Variants in SPATA13 observed in about 807,000 individuals in gnomAD.
The protein encoded by SPATA13 is spermatogenesis associated 13, also known as spermatogenesis-associated protein 13.
Under a neutral mutation model 104.0 loss-of-function variants are expected in SPATA13, and 50 were observed. The observed-to-expected ratio is 0.48, with a 90% confidence interval of 0.38 to 0.61. The LOEUF (loss-of-function observed/expected upper bound fraction) is 0.61. SPATA13 is among the 20% of genes least tolerant of loss of function. The pLI is 0.00. For missense variants in SPATA13, 1,524 were observed against 1,690.6 expected (o/e 0.90, Z 1.73); for synonymous variants, 606 against 667.5 (o/e 0.91, Z 1.42).
At chr13:24,004,423 A>G (rs568190014) in intron 2 of SPATA13, among the ~76,000 whole-genome samples, 55 of 152,122 alleles carry the variant, frequency 3.6e-4, no homozygotes, top group Non-Finnish European at 7.1e-4. Flanking sequence ...ACCACAGTAT[A>G]TTTGTTTATT....
intron 2 of SPATA13, among the ~76,000 whole-genome samples, chr13:24,228,273 C>G (rs1012429489): frequency 1.4e-4 from 21 of 151,998 alleles, no homozygotes; most frequent in African/African-American, 4.6e-4. Flanking sequence ...GCCACCATGC[C>G]CGGCTCATGT....
intron 3 of SPATA13, among the ~76,000 whole-genome samples, chr13:24,066,917 A>G (rs1353810553): frequency 9.2e-5 from 14 of 152,216 alleles, no homozygotes; most frequent in African/African-American, 3.4e-4. Context: ...GGCAAACCAA[A>G]CCAAGCAGAG....
chr13:24,238,132 C>CT (rs66810619), intron 2 of SPATA13, among the ~76,000 whole-genome samples: 47,179 of 77,224 alleles, frequency 0.61, 15,296 homozygotes, highest in South Asian at 0.69. Context: ...TTCTTCTTGA[C>CT]TTTTTTTTTT....
chr13:24,075,281 C>T (rs1879289790), intron 3 of SPATA13, among the ~76,000 whole-genome samples: 1 of 152,206 alleles, frequency 6.6e-6, no homozygotes. Context: ...TATGAAAGCA[C>T]AGACCTCATG....
chr13:24,015,582 C>A (rs1487232027), intron 2 of SPATA13, among the ~76,000 whole-genome samples: 1 of 152,210 alleles, frequency 6.6e-6, no homozygotes, highest in Non-Finnish European at 1.5e-5. Context: ...GGCCACCTGG[C>A]CCCTCTGCTT....
rs951467037 is a variant in SPATA13, at chr13:24,304,820, T to C, written c.*2047T>C. 3 of 152,272 alleles carry C rather than the reference T, an allele frequency of 2.0e-5. No homozygotes were observed. The highest frequency in any genetic ancestry group is 4.4e-5 in the Non-Finnish European group (3 of 68,062). 9.4% of individuals were successfully genotyped at this position (152,272 alleles called of 1,614,324 possible). A position where few individuals can be genotyped will look rare whatever the true frequency, so the allele number is the denominator to read the frequency against. On this transcript the variant is annotated 3_prime_UTR_variant, in exon 13 of 13. Transcript: ENST00000382108. ...AGAAGTTGCTGCAGGAAGGAGCTTC[T>C]GGAGAGGTCCTGTGGCATGTGTGGG...
At chr13:24,245,954 C>T (rs193278207) in intron 2 of SPATA13, among the ~76,000 whole-genome samples, 97 of 152,114 alleles carry the variant, frequency 6.4e-4, no homozygotes, top group African/African-American at 2.1e-3. Flanking sequence ...AGAATGATCC[C>T]GAGTCCTGCC....
intron 1 of SPATA13, among the ~76,000 whole-genome samples, chr13:24,196,420 T>A: frequency 6.6e-6 from 1 of 152,168 alleles, no homozygotes; most frequent in Non-Finnish European, 1.5e-5. Context: ...TAACATTCAA[T>A]AAAAATACCT....
intron 3 of SPATA13, among the ~76,000 whole-genome samples, chr13:24,096,903 A>G (rs899963160): frequency 6.6e-6 from 1 of 152,164 alleles, no homozygotes; most frequent in African/African-American, 2.4e-5. Context: ...GTGTAAGGAG[A>G]TGCTGCTGAG....
intron 3 of SPATA13, among the ~76,000 whole-genome samples, chr13:24,049,241 C>T (rs1173717743): frequency 6.6e-6 from 1 of 152,194 alleles, no homozygotes; most frequent in Non-Finnish European, 1.5e-5. Context: ...ACTGATGCCT[C>T]GCCTACAGGA....
chr13:24,069,254 G>A (rs1454563633), intron 3 of SPATA13, among the ~76,000 whole-genome samples: 1 of 152,168 alleles, frequency 6.6e-6, no homozygotes, highest in African/African-American at 2.4e-5. Context: ...CCATCCATGA[G>A]CATGGAATGT....
chr13:24,012,244 AC>A (rs1198601914), intron 2 of SPATA13, among the ~76,000 whole-genome samples: 1 of 152,234 alleles, frequency 6.6e-6, no homozygotes, highest in Non-Finnish European at 1.5e-5. Context: ...GGGTCTAGGG[AC>A]TCCTCCAGAA....
At chr13:24,027,319 G>C (rs1249532118) in intron 3 of SPATA13, among the ~76,000 whole-genome samples, 1 of 151,732 alleles carries the variant, frequency 6.6e-6, no homozygotes, top group Non-Finnish European at 1.5e-5. Flanking sequence ...ATTTTTAGTA[G>C]AGACGGCGTT....
At chr13:24,299,751 C>A (rs1418813119) in intron 11 of SPATA13, among the ~76,000 whole-genome samples, 1 of 152,208 alleles carries the variant, frequency 6.6e-6, no homozygotes, top group African/African-American at 2.4e-5. Context: ...GCCCCAGCAC[C>A]CAGCCCTGGC....
intron 3 of SPATA13, among the ~76,000 whole-genome samples, chr13:24,071,208 G>A (rs186723681): frequency 1.4e-4 from 21 of 152,306 alleles, no homozygotes; most frequent in Admixed American, 3.3e-4. Context: ...CTGCATCTCA[G>A]TGGAGTCACC....
chr13:24,216,147 A>G (rs1200676279), intron 1 of SPATA13, among the ~76,000 whole-genome samples: 1 of 152,096 alleles, frequency 6.6e-6, no homozygotes, highest in African/African-American at 2.4e-5. Flanking sequence ...GAGGTTGGGG[A>G]CGCAGGCAGG....
At position 24,160,852 on chromosome 13, in the gene SPATA13, C is replaced by G. The variant is rs1251062113; in HGVS notation, c.-192C>G. The G allele has an allele frequency of 2.0e-6, 2 of 984,784 alleles. No individual in the cohort carries two copies. Among genetic ancestry groups the G allele is most frequent in the Non-Finnish European group, 2.4e-6 (2 of 829,486 alleles). The allele number at this position is 984,784 out of a possible 1,614,324, so 61.0% of individuals were successfully genotyped here. On this transcript the variant is annotated 5_prime_UTR_variant, in exon 1 of 13. Transcript: ENST00000382108. The stretch of plus-strand genomic sequence containing the variant: ...AGAGTGCGGCGACCTCGGGGCTCCG[C>G]CGGCACCGGAGGTGGCTCTGAGGGC...
chr13:24,278,270 C>G (rs186213537), intron 4 of SPATA13, among the ~76,000 whole-genome samples: 128 of 152,334 alleles, frequency 8.4e-4, no homozygotes, highest in African/African-American at 2.8e-3. Context: ...CTGCTGCACA[C>G]AGCTGTGTGT....
At chr13:24,101,140 ACTC>A (rs1880244186) in intron 3 of SPATA13, among the ~76,000 whole-genome samples, 1 of 151,558 alleles carries the variant, frequency 6.6e-6, no homozygotes, top group South Asian at 2.1e-4. Flanking sequence ...TGGTGCCTCC[ACTC>A]CTCCTGATGG....
Sources: allele counts gnomAD v4.1 joint callset (sites outside exome capture counted in the v4.1 genomes callset), GRCh38; gene constraint gnomAD v4.1.1; transcripts MANE v1.5; gene names NCBI Gene and HGNC (gene_info 2026-07-23, HGNC 2026-07-21).